Variants in KDM3B observed in about 807,000 individuals in gnomAD.
KDM3B encodes lysine-specific demethylase 3B.
KDM3B carries 10 observed loss-of-function variants against 170.0 expected under a neutral mutation model. The ratio of observed to expected loss-of-function variants is 0.06; its 90% CI spans 0.04 to 0.10. The LOEUF (loss-of-function observed/expected upper bound fraction) is 0.10. Ranked by LOEUF, KDM3B falls within the 10% of genes least tolerant of loss-of-function variation. The pLI, the probability that KDM3B is intolerant of heterozygous loss-of-function variation, is 1.00. For synonymous variants in KDM3B, 831 were observed against 834.8 expected, an observed-to-expected ratio of 1.00 and a Z score of 0.08; for missense variants, 1,394 against 2,195.2, an observed-to-expected ratio of 0.64 and a Z score of 7.29.
Position 138,391,956 on chromosome 5 carries a change from G to T in KDM3B, c.2324G>T (p.Gly775Val), listed in dbSNP as rs1177615114. Residue 775 changes from glycine (G) to valine (V), a missense_variant, in exon 8 of 24, where the codon GGC becomes GTC. Physicochemically the swap from Gly to Val is moderately radical, Grantham distance 109 (BLOSUM62 -3). Transcript: ENST00000314358. The surrounding 1 kb of genome is among the most constrained non-coding windows in gnomAD (Gnocchi z 5.0). ...AACGTCTTTGGCAGGCACTCAGGCG[G>T]CTTTCTGTCCTCCCCGGCAGATTTT... ...FSNVFGRHSG[G>V]FLSSPADFSQ... 6.2e-7 allele frequency: 1 copy of T among 1,612,518 alleles called. No individual in the cohort carries two copies.
At chr5:138,393,522 A>G (rs541803419) in intron 9 of KDM3B, 150 bp downstream of exon 9, 38 of 654,870 alleles carry the variant, frequency 5.8e-5, no homozygotes, top group Admixed American at 5.5e-4. Flanking sequence ...AGGCTCTGGC[A>G]TAGTAGTCAC....
intron 10 of KDM3B, among the ~76,000 whole-genome samples, chr5:138,399,147 C>G (rs112282425): frequency 0.027 from 4,100 of 151,760 alleles, 81 homozygotes; most frequent in Middle Eastern, 0.038. Flanking sequence ...CTCAGCCTTC[C>G]AAAGTGCTGG....
At chr5:138,406,207 G>T (rs560655359) in intron 11 of KDM3B, among the ~76,000 whole-genome samples, 2 of 152,070 alleles carry the variant, frequency 1.3e-5, no homozygotes, top group African/African-American at 2.4e-5. Flanking sequence ...TTAGCTGGGC[G>T]TGGTGGCACA....
intron 21 of KDM3B, 69 bp downstream of exon 21, chr5:138,430,034 A>G (rs1379591731): frequency 6.3e-7 from 1 of 1,584,586 alleles, no homozygotes; most frequent in Non-Finnish European, 8.6e-7. Flanking sequence ...CACCCTATCT[A>G]GGGTTTCTCA....
chr5:138,385,285 G>A (rs1762229314), intron 6 of KDM3B, among the ~76,000 whole-genome samples: 1 of 152,054 alleles, frequency 6.6e-6, no homozygotes, highest in African/African-American at 2.4e-5. Flanking sequence ...GCCTCCCAAA[G>A]TGTTGGGATT....
intron 7 of KDM3B, among the ~76,000 whole-genome samples, chr5:138,387,686 A>G (rs961853770): frequency 1.3e-5 from 2 of 152,130 alleles, no homozygotes; most frequent in African/African-American, 4.8e-5. Flanking sequence ...CACACTGTTG[A>G]TGGTTTGTCC....
chr5:138,428,285 C>T (rs1443366803), intron 20 of KDM3B, among the ~76,000 whole-genome samples, 199 bp downstream of exon 20: 2 of 151,832 alleles, frequency 1.3e-5, no homozygotes, highest in African/African-American at 2.4e-5. Context: ...CTTGGCTCAC[C>T]GCAACCTCCG....
intron 6 of KDM3B, among the ~76,000 whole-genome samples, chr5:138,384,264 C>G (rs766856164): frequency 9.6e-5 from 14 of 146,210 alleles, no homozygotes; most frequent in Non-Finnish European, 1.4e-4. Context: ...AAAAAAAAGT[C>G]AAAAGAAAAC....
intron 20 of KDM3B, among the ~76,000 whole-genome samples, chr5:138,429,147 G>A (rs1763470299): frequency 6.6e-6 from 1 of 151,656 alleles, no homozygotes; most frequent in African/African-American, 2.4e-5. Context: ...CGCCTCCTGG[G>A]TTCAAGCAAT....
chr5:138,365,702 A>G (rs1031128084), intron 1 of KDM3B, among the ~76,000 whole-genome samples: 4 of 152,046 alleles, frequency 2.6e-5, no homozygotes, highest in African/African-American at 7.2e-5. Flanking sequence ...AAAAAATTAT[A>G]AATACATTAT....
chr5:138,374,792 C>G (rs979438166), intron 2 of KDM3B, among the ~76,000 whole-genome samples: 2 of 152,132 alleles, frequency 1.3e-5, no homozygotes, highest in Non-Finnish European at 2.9e-5. Context: ...TATAATTTAG[C>G]TCCCTTGAAG....
intron 23 of KDM3B, 143 bp downstream of exon 23, chr5:138,431,702 A>T: frequency 1.4e-6 from 1 of 735,144 alleles, no homozygotes; most frequent in Non-Finnish European, 2.0e-6. Context: ...AAGTTTGGGG[A>T]TATGGAGTCC....
At chr5:138,372,160 A>G (rs1761890704) in intron 1 of KDM3B, among the ~76,000 whole-genome samples, 1 of 152,184 alleles carries the variant, frequency 6.6e-6, no homozygotes, top group Non-Finnish European at 1.5e-5. Context: ...TGGGAGGGCA[A>G]TGTTTTTCAG....
In KDM3B at chr5:138,430,071, TG is replaced by T. The variant is rs1763492732; in HGVS notation, c.4893+107del. 3.5e-6 allele frequency: 5 copies of T among 1,432,154 alleles called. No individual in the cohort carries two copies. The East Asian group carries it at 1.2e-4, about 35-fold the overall frequency. 88.7% of individuals were successfully genotyped at this position (1,432,154 alleles called of 1,614,324 possible). A position where few individuals can be genotyped will look rare whatever the true frequency, so the allele number is the denominator to read the frequency against. ...GTAGAGTCCCTTGGCATTAAAGACT[TG>T]TTGGCCATGATACCTCTGGTGGAAA... On this transcript the variant is annotated intron_variant, in intron 21 of 23. Coordinates refer to ENST00000314358, the MANE Select transcript of KDM3B (RefSeq NM_016604.4).
chr5:138,390,047 G>A (rs941634288), intron 7 of KDM3B, among the ~76,000 whole-genome samples: 1 of 151,872 alleles, frequency 6.6e-6, no homozygotes, highest in South Asian at 2.1e-4. Context: ...TTTTAGTAGA[G>A]ACAGGGTTTC....
intron 19 of KDM3B, 137 bp from the exon 20 acceptor site, chr5:138,427,830 C>T (rs1763434535): frequency 5.0e-6 from 4 of 796,586 alleles, no homozygotes; most frequent in Middle Eastern, 3.8e-4. Context: ...AAAGTGATTT[C>T]TTCATAAACA....
intron 5 of KDM3B, among the ~76,000 whole-genome samples, chr5:138,381,164 G>T (rs904101058): frequency 6.6e-6 from 1 of 152,090 alleles, no homozygotes; most frequent in Non-Finnish European, 1.5e-5. Context: ...GTGAACCACC[G>T]CACCCAGCCC....
intron 23 of KDM3B, among the ~76,000 whole-genome samples, chr5:138,434,547 CAAAA>C (rs747418307): frequency 3.2e-5 from 3 of 92,776 alleles, no homozygotes; most frequent in Admixed American, 1.2e-4. Context: ...GACTCCATCT[CAAAA>C]AAAAAAAAAA....
chr5:138,390,061 G>A (rs146039329), intron 7 of KDM3B, among the ~76,000 whole-genome samples: 1 of 151,806 alleles, frequency 6.6e-6, no homozygotes, highest in Non-Finnish European at 1.5e-5. Flanking sequence ...GGGTTTCACC[G>A]TGTTGGCCAG....
Sources: allele counts gnomAD v4.1 joint callset (sites outside exome capture counted in the v4.1 genomes callset), GRCh38; gene constraint gnomAD v4.1.1; non-coding constraint Gnocchi (gnomAD v3.1); transcripts MANE v1.5; gene names NCBI Gene and HGNC (gene_info 2026-07-23, HGNC 2026-07-21).